Variants in PKNOX2 observed in about 807,000 individuals in gnomAD.
PKNOX2 encodes the protein homeobox protein PKNOX2.
In PKNOX2, 14 loss-of-function variants were observed where a neutral mutation model predicts 53.1. The ratio of observed to expected loss-of-function variants is 0.26; its 90% CI spans 0.17 to 0.41. PKNOX2 has a LOEUF of 0.41. PKNOX2 is among the 10% of genes least tolerant of loss of function. PKNOX2 has a pLI of 1.00. For synonymous variants in PKNOX2, 257 were observed against 242.8 expected, an observed-to-expected ratio of 1.06 and a Z score of -0.54; for missense variants, 496 against 602.8, an observed-to-expected ratio of 0.82 and a Z score of 1.85.
At chr11:125,420,224 T>A (rs1263061488) in intron 10 of PKNOX2, among the ~76,000 whole-genome samples, 1 of 43,662 alleles carries the variant, frequency 2.3e-5, no homozygotes, top group Non-Finnish European at 6.9e-5. Flanking sequence ...CTGAGTTTTT[T>A]ATTTAAAAAA....
chr11:125,324,279 A>T (rs1490947428), intron 2 of PKNOX2, among the ~76,000 whole-genome samples: 5 of 152,134 alleles, frequency 3.3e-5, no homozygotes, highest in African/African-American at 1.2e-4. Flanking sequence ...TTCCCTTTTT[A>T]AAAATAGGAC....
chr11:125,357,461 CAG>C (rs1458472428), intron 4 of PKNOX2, among the ~76,000 whole-genome samples: 1 of 152,102 alleles, frequency 6.6e-6, no homozygotes, highest in African/African-American at 2.4e-5. Context: ...TTACCAAAAA[CAG>C]AGATTTTATT....
chr11:125,362,920 C>T (rs2136252552), intron 4 of PKNOX2, among the ~76,000 whole-genome samples: 1 of 152,322 alleles, frequency 6.6e-6, no homozygotes, highest in South Asian at 2.1e-4. Context: ...CCTGCATATA[C>T]ATCTGACAAG....
chr11:125,295,545 G>A (rs1304652198), intron 2 of PKNOX2, among the ~76,000 whole-genome samples: 1 of 152,220 alleles, frequency 6.6e-6, no homozygotes, highest in South Asian at 2.1e-4. Context: ...GGATTCCTGT[G>A]GTTGAAGGAT....
chr11:125,267,964 AG>A (rs890929212), intron 2 of PKNOX2, among the ~76,000 whole-genome samples: 44 of 152,220 alleles, frequency 2.9e-4, no homozygotes, highest in Admixed American at 2.9e-3. Context: ...TGTGAGAAGA[AG>A]GGGGAAAATG....
rs1236165323 is a variant in PKNOX2 at position 125,419,660 on chromosome 11, G to C, written c.936+7795G>C. On this transcript the variant is annotated intron_variant, in intron 10 of 12. Coordinates refer to ENST00000298282, the MANE Select transcript of PKNOX2 (RefSeq NM_001382323.2). ...CTGTACAAAGCAATGACTATGAAAG[G>C]CTGTGAGGCCATCATTTACTCACAG... Among the ~76,000 whole-genome samples the C allele has an allele frequency of 2.0e-5, 3 of 151,700 alleles. No homozygotes were observed. The South Asian group carries it at 6.2e-4, about 31-fold the overall frequency.
rs183456314 is a variant in PKNOX2, at chr11:125,213,406, A to G, written c.-200-21639A>G. Among the ~76,000 whole-genome samples the G allele has an allele frequency of 4.6e-3, 703 of 152,236 alleles. 19 individuals are homozygous for G. Among genetic ancestry groups the G allele is most frequent in the Admixed American group, 3.9e-3 (59 of 15,296 alleles). ...GGAACAAATAAGATGCTGGTTTTGA[A>G]AAATGCTTTGTAAACTGTCAGTGCT... On this transcript the variant is annotated intron_variant, in intron 1 of 12. Transcript: ENST00000298282.
intron 4 of PKNOX2, among the ~76,000 whole-genome samples, chr11:125,359,520 G>A (rs1951808408): frequency 6.6e-6 from 1 of 152,178 alleles, no homozygotes; most frequent in African/African-American, 2.4e-5. Context: ...GCCCAGGTCT[G>A]GAGCGCCCTG....
Position 125,432,091 on chromosome 11 carries a change from G to A in PKNOX2, c.*699G>A, listed in dbSNP as rs962584334. The A allele has an allele frequency of 3.7e-4, 56 of 152,544 alleles. No homozygotes were observed. Among genetic ancestry groups the A allele is most frequent in the African/African-American group, 1.2e-3 (50 of 41,560 alleles). 9.4% of individuals were successfully genotyped at this position (152,544 alleles called of 1,614,324 possible). ...CCTGGAAACCAACTGTAAGCTGGTG[G>A]GCTCAACCTGTGGGAGGTTAAGAGG... On this transcript the variant is annotated 3_prime_UTR_variant, in exon 13 of 13. Coordinates refer to ENST00000298282, the MANE Select transcript of PKNOX2 (RefSeq NM_001382323.2).
At chr11:125,345,944 C>T (rs931854079) in intron 3 of PKNOX2, among the ~76,000 whole-genome samples, 1 of 152,122 alleles carries the variant, frequency 6.6e-6, no homozygotes, top group African/African-American at 2.4e-5. Context: ...CAGGCCACTT[C>T]TGGGAAGGGA....
rs574251917 is a variant in PKNOX2 at position 125,173,355 on chromosome 11, G to A, written c.-201+8579G>A. ...TGGGGCTCAGAGAGTGGCTAAAGTG[G>A]CAGGTCCAGGAAGTGGGTGCAGGTG... is the stretch of plus-strand genomic sequence containing the variant. On this transcript the variant is annotated intron_variant, in intron 1 of 12. Coordinates refer to ENST00000298282, the MANE Select transcript of PKNOX2 (RefSeq NM_001382323.2). 1.4e-4 allele frequency among the ~76,000 whole-genome samples: 21 copies of A among 152,270 alleles called. No homozygotes were observed. The South Asian group carries it at 4.4e-3, about 32-fold the overall frequency.
At chr11:125,192,578 A>T (rs1956943918) in intron 1 of PKNOX2, among the ~76,000 whole-genome samples, 1 of 152,214 alleles carries the variant, frequency 6.6e-6, no homozygotes, top group Non-Finnish European at 1.5e-5. Flanking sequence ...CCCACAAGTG[A>T]TAACAACAAT....
intron 5 of PKNOX2, among the ~76,000 whole-genome samples, chr11:125,384,883 A>G (rs1953516010): frequency 6.6e-6 from 1 of 152,180 alleles, no homozygotes; most frequent in Non-Finnish European, 1.5e-5. Context: ...AGTCAGGTAG[A>G]GTCTCAGAGG....
Position 125,166,441 on chromosome 11 carries a change from GC to G in PKNOX2, c.-201+1666del, listed in dbSNP as rs1349556224. Among the ~76,000 whole-genome samples the G allele has an allele frequency of 6.6e-6, 1 of 152,226 alleles. No individual in the cohort carries two copies. The highest frequency in any genetic ancestry group is 1.5e-5 in the Non-Finnish European group (1 of 68,044). ...GGTCCTAAGAGAGCGATTCCGGGAAGCGGACAGATCGAAGAGACCTTCTGGG... is the reference window on the plus strand; with the variant it reads ...GGTCCTAAGAGAGCGATTCCGGGAAGGGACAGATCGAAGAGACCTTCTGGG... On this transcript the variant is annotated intron_variant, in intron 1 of 12. Transcript: ENST00000298282. The surrounding 1 kb of genome is among the most constrained non-coding windows in gnomAD (Gnocchi z 4.0).
intron 2 of PKNOX2, among the ~76,000 whole-genome samples, chr11:125,243,665 C>T (rs112925469): frequency 0.019 from 2,824 of 151,528 alleles, 92 homozygotes; most frequent in African/African-American, 0.063. Flanking sequence ...CTCTGTCGCC[C>T]AGGCTGGAGT....
At chr11:125,374,687 G>C (rs1952737442) in intron 5 of PKNOX2, among the ~76,000 whole-genome samples, 1 of 152,150 alleles carries the variant, frequency 6.6e-6, no homozygotes, top group African/African-American at 2.4e-5. Context: ...GACCTAGGTA[G>C]AGCTCCATCA....
At chr11:125,320,409 G>A (rs900621206) in intron 2 of PKNOX2, among the ~76,000 whole-genome samples, 1 of 152,134 alleles carries the variant, frequency 6.6e-6, no homozygotes, top group African/African-American at 2.4e-5. Flanking sequence ...AGGAGGGAAG[G>A]TAGGAGCTGA....
At chr11:125,175,272 G>T (rs1415176854) in intron 1 of PKNOX2, among the ~76,000 whole-genome samples, 3 of 152,188 alleles carry the variant, frequency 2.0e-5, no homozygotes, top group African/African-American at 7.2e-5. Context: ...AGGAGGGAGA[G>T]CTTCAATCCC....
intron 10 of PKNOX2, among the ~76,000 whole-genome samples, chr11:125,417,411 C>T (rs1223450963): frequency 1.3e-5 from 2 of 152,064 alleles, no homozygotes; most frequent in Non-Finnish European, 2.9e-5. Context: ...GCATTAGCCA[C>T]TGCAGCGTGC....
Sources: gnomAD v4.1 joint callset for allele counts (sites outside exome capture counted in the v4.1 genomes callset) on GRCh38, gnomAD v4.1.1 for gene constraint, Gnocchi (gnomAD v3.1) non-coding constraint, MANE v1.5 for transcripts, NCBI Gene and HGNC (gene_info 2026-07-23, HGNC 2026-07-21) for gene names.